BRD4: variants seen among roughly 807,000 people sequenced by gnomAD.
The protein encoded by BRD4 is bromodomain-containing protein 4.
Under a neutral mutation model 142.1 loss-of-function variants are expected in BRD4, and 16 were observed. That is an observed-to-expected ratio of 0.11 (90% CI 0.08 to 0.17). BRD4 has a LOEUF of 0.17. BRD4 is among the 10% of genes least tolerant of loss of function. The pLI, the probability that BRD4 is intolerant of heterozygous loss-of-function variation, is 1.00. For missense variants in BRD4, 1,424 were observed against 1,810.9 expected (o/e 0.79, Z 3.88); for synonymous variants, 833 against 707.5 (o/e 1.18, Z -2.82).
Position 15,263,322 on chromosome 19 carries a change from T to C in BRD4, c.1341+98A>G, listed in dbSNP as rs562442741. ...CAACATGGCATTATCCCAAGGAAAG[T>C]GACAGAAAAAAAAACTCTGCCAAGG... On this transcript the variant is annotated intron_variant, in intron 7 of 19. Transcript: ENST00000679869. 3.5e-6 allele frequency: 5 copies of C among 1,424,544 alleles called. No individual in the cohort carries two copies. The African/African-American group carries it at 4.3e-5, about 12-fold the overall frequency. 88.2% of individuals were successfully genotyped at this position (1,424,544 alleles called of 1,614,324 possible).
chr19:15,329,200 T>C (rs912222501), intron 1 of BRD4, among the ~76,000 whole-genome samples: 2 of 152,140 alleles, frequency 1.3e-5, no homozygotes, highest in South Asian at 2.1e-4. Flanking sequence ...TACACTCTTT[T>C]CTAGACACCA....
chr19:15,305,767 T>C (rs1218188631), intron 1 of BRD4, among the ~76,000 whole-genome samples: 8 of 152,252 alleles, frequency 5.3e-5, no homozygotes, highest in Non-Finnish European at 1.2e-4. Flanking sequence ...AGTATTGATT[T>C]TTCTACAGCT....
chr19:15,259,940 A>C (rs1044445835), intron 7 of BRD4, among the ~76,000 whole-genome samples: 26 of 152,246 alleles, frequency 1.7e-4, no homozygotes, highest in African/African-American at 6.3e-4. Context: ...AGATGCACCG[A>C]GGCAAGCCTC....
intron 2 of BRD4, among the ~76,000 whole-genome samples, chr19:15,271,335 C>G (rs2047584859): frequency 6.6e-6 from 1 of 152,220 alleles, no homozygotes; most frequent in East Asian, 1.9e-4. Context: ...CTCATTCACA[C>G]CGTCGCAATC....
At chr19:15,292,162 C>G (rs1168677977) in intron 1 of BRD4, among the ~76,000 whole-genome samples, 4 of 152,198 alleles carry the variant, frequency 2.6e-5, no homozygotes, top group Non-Finnish European at 5.9e-5. Context: ...AGGAGACCCC[C>G]TAGTTATCAC....
chr19:15,246,692 G>A (rs888171315), intron 11 of BRD4: 2 of 152,176 alleles, frequency 1.3e-5, no homozygotes, highest in Admixed American at 1.3e-4. Flanking sequence ...AGGAGAAGAT[G>A]TAGGGACAAA....
chr19:15,315,223 G>C (rs903666901), intron 1 of BRD4, among the ~76,000 whole-genome samples: 2 of 151,980 alleles, frequency 1.3e-5, no homozygotes, highest in African/African-American at 4.8e-5. Context: ...ATTTTACGAA[G>C]TCAAAGAAAA....
rs550147555 is a variant in BRD4 at position 15,255,201 on chromosome 19, G to A, written c.2047+96C>T. On this transcript the variant is annotated intron_variant, in intron 10 of 19. Transcript: ENST00000679869. ...GATATTATAATTGGAAAAAAAAAAG[G>A]GGGGGGGCGCAGAAAGAGTGGACTG... 5 of 1,252,000 alleles carry A rather than the reference G, an allele frequency of 4.0e-6. No individual in the cohort carries two copies. The South Asian group carries it at 6.1e-5, about 15-fold the overall frequency. 77.6% of individuals were successfully genotyped at this position (1,252,000 alleles called of 1,614,324 possible). A position where few individuals can be genotyped will look rare whatever the true frequency, so the allele number is the denominator to read the frequency against.
chr19:15,261,283 A>G (rs1035713117), intron 7 of BRD4, among the ~76,000 whole-genome samples: 1 of 149,698 alleles, frequency 6.7e-6, no homozygotes, highest in Non-Finnish European at 1.5e-5. Flanking sequence ...TCAGAAGTTC[A>G]AGACCAGCCT....
chr19:15,308,115 C>CAAAAAAAAAAAAAA (rs57642262), intron 1 of BRD4, among the ~76,000 whole-genome samples: 3 of 21,184 alleles, frequency 1.4e-4, no homozygotes, highest in African/African-American at 8.4e-4. Flanking sequence ...GACTCCGTCT[C>CAAAAAAAAAAAAAA]AAAAAAAAAA....
At chr19:15,327,487 T>G (rs1599535590) in intron 1 of BRD4, among the ~76,000 whole-genome samples, 1 of 151,898 alleles carries the variant, frequency 6.6e-6, no homozygotes, top group Non-Finnish European at 1.5e-5. Context: ...GAGGCTGCAG[T>G]GGGCTGAGAT....
At position 15,308,721 on chromosome 19, in the gene BRD4, C is replaced by T. The variant is rs868726187; in HGVS notation, c.-35+23569G>A. ...AAAACATAAGCTGAAACTCCTTAAA[C>T]TTTAAACATCTGGGCTGGGCGCGGT... On this transcript the variant is annotated intron_variant, in intron 1 of 19. Coordinates refer to ENST00000679869, the MANE Select transcript of BRD4 (RefSeq NM_001379291.1). Among the ~76,000 whole-genome samples, 163 of 150,326 alleles carry T rather than the reference C, an allele frequency of 1.1e-3. 1 individual carries two copies. Among genetic ancestry groups the T allele is most frequent in the African/African-American group, 3.5e-3 (144 of 40,902 alleles).
intron 11 of BRD4, chr19:15,253,872 G>A (rs2047376766): frequency 2.6e-6 from 3 of 1,169,712 alleles, no homozygotes; most frequent in African/African-American, 3.0e-5. Flanking sequence ...CACCATCCAG[G>A]GCTCCGCAGT....
At chr19:15,307,822 C>G (rs1018459157) in intron 1 of BRD4, among the ~76,000 whole-genome samples, 13 of 152,080 alleles carry the variant, frequency 8.5e-5, no homozygotes, top group African/African-American at 2.9e-4. Context: ...AGGGGTGAAC[C>G]AGCCCAGGTC....
At chr19:15,318,559 T>A (rs1173282088) in intron 1 of BRD4, among the ~76,000 whole-genome samples, 1 of 152,218 alleles carries the variant, frequency 6.6e-6, no homozygotes. Flanking sequence ...TTCCTCAATC[T>A]GCAGGTTCCA....
intron 1 of BRD4, among the ~76,000 whole-genome samples, chr19:15,309,994 G>A (rs992813745): frequency 2.6e-5 from 4 of 152,148 alleles, no homozygotes; most frequent in South Asian, 2.1e-4. Context: ...AAGCACCCTC[G>A]CACTTAAAAC....
chr19:15,285,450 A>C (rs569761495), intron 1 of BRD4, among the ~76,000 whole-genome samples: 1 of 152,276 alleles, frequency 6.6e-6, no homozygotes, highest in East Asian at 1.9e-4. Context: ...GCCCAGCTCC[A>C]GCTACTTGGG....
At chr19:15,305,298 T>C (rs575285132) in intron 1 of BRD4, among the ~76,000 whole-genome samples, 1 of 152,262 alleles carries the variant, frequency 6.6e-6, no homozygotes, top group East Asian at 1.9e-4. Flanking sequence ...CTGCCTTGGC[T>C]ACCCAAGTGC....
chr19:15,273,831 T>G (rs1050602677), intron 1 of BRD4, among the ~76,000 whole-genome samples: 2 of 151,744 alleles, frequency 1.3e-5, no homozygotes, highest in Non-Finnish European at 2.9e-5. Context: ...TTTTTTTTTT[T>G]TTTCATCTCT....
Sources: allele counts gnomAD v4.1 joint callset (sites outside exome capture counted in the v4.1 genomes callset), GRCh38; gene constraint gnomAD v4.1.1; transcripts MANE v1.5; gene names NCBI Gene and HGNC (gene_info 2026-07-23, HGNC 2026-07-21).